PRKG1: variants seen among roughly 807,000 people sequenced by gnomAD.
PRKG1 encodes protein kinase cGMP-dependent 1.
A neutral mutation model predicts 88.1 loss-of-function variants in PRKG1; 35 were observed. That is an observed-to-expected ratio of 0.40 (90% confidence interval 0.30 to 0.53). The LOEUF is 0.53. PRKG1 is among the 20% of genes least tolerant of loss of function. The pLI is 0.59. For synonymous variants in PRKG1, 303 were observed against 292.5 expected, an observed-to-expected ratio of 1.04 and a Z score of -0.37; for missense variants, 540 against 839.8, an observed-to-expected ratio of 0.64 and a Z score of 4.41.
intron 10 of PRKG1, among the ~76,000 whole-genome samples, chr10:52,253,975 G>A (rs1448425540): frequency 6.6e-6 from 1 of 151,894 alleles, no homozygotes; most frequent in African/African-American, 2.4e-5. Flanking sequence ...ATGTGGACCA[G>A]CCACTTAAGT....
At chr10:51,729,192 A>C (rs1842211234) in intron 3 of PRKG1, among the ~76,000 whole-genome samples, 1 of 152,220 alleles carries the variant, frequency 6.6e-6, no homozygotes, top group Non-Finnish European at 1.5e-5. Context: ...GTCTTATGCA[A>C]GAAAGTCTCT....
chr10:51,769,668 T>A (rs944678180), intron 3 of PRKG1, among the ~76,000 whole-genome samples: 16 of 152,166 alleles, frequency 1.1e-4, no homozygotes, highest in Admixed American at 2.0e-4. Context: ...GAATTTCCTA[T>A]AGCAAATGAA....
At chr10:51,731,225 C>T (rs1564624758) in intron 3 of PRKG1, among the ~76,000 whole-genome samples, 1 of 152,098 alleles carries the variant, frequency 6.6e-6, no homozygotes. Flanking sequence ...AATATCAATT[C>T]AGTTAACTGG....
intron 17 of PRKG1, among the ~76,000 whole-genome samples, chr10:52,293,242 C>T (rs1424841582): frequency 1.3e-5 from 2 of 151,794 alleles, no homozygotes; most frequent in Non-Finnish European, 2.9e-5. Context: ...CTACAACCCA[C>T]TGCTCAATGA....
intron 10 of PRKG1, among the ~76,000 whole-genome samples, chr10:52,266,323 T>G (rs1312074337): frequency 6.6e-6 from 1 of 151,902 alleles, no homozygotes; most frequent in African/African-American, 2.4e-5. Flanking sequence ...CGCCTGGTAT[T>G]AAGTCAGCAT....
At chr10:51,293,694 G>A (rs939869144) in intron 2 of PRKG1, among the ~76,000 whole-genome samples, 16 of 152,200 alleles carry the variant, frequency 1.1e-4, no homozygotes, top group Admixed American at 7.9e-4. Flanking sequence ...TGAGAGTGCA[G>A]ATATCTCTTC....
rs143879137 is a variant in PRKG1 at position 51,099,606 on chromosome 10, A to G, written c.311+24705A>G. ...TGGTTTAGTAATGTAGTAGAGATAG[A>G]TGACCTATATTGAGGTATTTTTTTT... On this transcript the variant is annotated intron_variant, in intron 1 of 17. Transcript: ENST00000373980. Among the ~76,000 whole-genome samples the G allele has an allele frequency of 2.6e-3, 396 of 152,310 alleles. 3 individuals are homozygous for G. Among genetic ancestry groups the G allele is most frequent in the Non-Finnish European group, 3.9e-3 (264 of 68,032 alleles).
At chr10:51,489,155 T>A (rs1840633489) in intron 3 of PRKG1, among the ~76,000 whole-genome samples, 1 of 152,150 alleles carries the variant, frequency 6.6e-6, no homozygotes, top group Non-Finnish European at 1.5e-5. Flanking sequence ...CTTCAAAGAC[T>A]TCACCATAGA....
At chr10:52,138,812 G>A (rs1432847727) in intron 8 of PRKG1, among the ~76,000 whole-genome samples, 1 of 152,116 alleles carries the variant, frequency 6.6e-6, no homozygotes, top group Admixed American at 6.6e-5. Context: ...TATCAGGGAA[G>A]TCTGGGTTAC....
intron 5 of PRKG1, among the ~76,000 whole-genome samples, chr10:51,925,711 A>G (rs1842559922): frequency 6.6e-6 from 1 of 152,166 alleles, no homozygotes; most frequent in South Asian, 2.1e-4. Flanking sequence ...ATGAAGACCC[A>G]TTAGAGTTTC....
At chr10:52,274,096 G>C (rs1841804323) in intron 12 of PRKG1, among the ~76,000 whole-genome samples, 1 of 151,930 alleles carries the variant, frequency 6.6e-6, no homozygotes, top group African/African-American at 2.4e-5. Flanking sequence ...GCCACAAAGG[G>C]AGAGCCCAGC....
At chr10:51,535,649 A>T (rs1003203345) in intron 3 of PRKG1, among the ~76,000 whole-genome samples, 1 of 152,176 alleles carries the variant, frequency 6.6e-6, no homozygotes, top group Admixed American at 6.5e-5. Context: ...AAGAAAATTA[A>T]AAAGAGAGAG....
At chr10:51,204,466 A>G (rs930262675) in intron 2 of PRKG1, among the ~76,000 whole-genome samples, 2 of 150,954 alleles carry the variant, frequency 1.3e-5, no homozygotes. Flanking sequence ...GCTTGATTAC[A>G]TTTTCCAAAT....
intron 2 of PRKG1, among the ~76,000 whole-genome samples, chr10:51,189,512 C>T (rs1318882974): frequency 6.6e-6 from 1 of 151,750 alleles, no homozygotes. Flanking sequence ...CCATGGAGCT[C>T]ACCCATATTT....
At chr10:51,309,179 G>T (rs935580916) in intron 2 of PRKG1, among the ~76,000 whole-genome samples, 2 of 152,120 alleles carry the variant, frequency 1.3e-5, no homozygotes, top group Admixed American at 6.6e-5. Context: ...AGAAAACAAA[G>T]AACAGAAGGA....
intron 9 of PRKG1, among the ~76,000 whole-genome samples, chr10:52,189,837 A>T (rs971051560): frequency 6.6e-6 from 1 of 152,222 alleles, no homozygotes; most frequent in Non-Finnish European, 1.5e-5. Context: ...AGATGCAAGG[A>T]AAGCAAAAAG....
intron 4 of PRKG1, among the ~76,000 whole-genome samples, chr10:51,830,958 C>CT (rs113820484): frequency 1.6e-4 from 24 of 148,920 alleles, no homozygotes; most frequent in South Asian, 4.3e-4. Flanking sequence ...TGCTACCTTT[C>CT]TTTTTTTTTT....
intron 7 of PRKG1, among the ~76,000 whole-genome samples, chr10:52,086,643 G>A (rs1191936979): frequency 6.6e-6 from 1 of 152,002 alleles, no homozygotes; most frequent in Admixed American, 6.6e-5. Flanking sequence ...GACCTCAAGT[G>A]ATCTGCCCAC....
chr10:51,664,904 G>GGGA (rs1840385441), intron 3 of PRKG1, among the ~76,000 whole-genome samples: 1 of 152,058 alleles, frequency 6.6e-6, no homozygotes, highest in Admixed American at 6.6e-5. Context: ...CAACGGCTTG[G>GGGA]GGATAGCTTC....
Sources: allele counts gnomAD v4.1 joint callset (sites outside exome capture counted in the v4.1 genomes callset), GRCh38; gene constraint gnomAD v4.1.1; transcripts MANE v1.5; gene names NCBI Gene and HGNC (gene_info 2026-07-23, HGNC 2026-07-21).